Variants in BICD1 observed in about 807,000 individuals in gnomAD.
The protein encoded by BICD1 is protein bicaudal D homolog 1.
In BICD1, 35 loss-of-function variants were observed where a neutral mutation model predicts 92.5. The ratio of observed to expected loss-of-function variants is 0.38; its 90% confidence interval spans 0.29 to 0.50. The LOEUF (loss-of-function observed/expected upper bound fraction) is 0.50. BICD1 is among the 20% of genes least tolerant of loss of function. The probability of loss-of-function intolerance (pLI) is 0.93; values close to 1 mark genes in which losing one functional copy is unlikely to be tolerated. For missense variants in BICD1, 950 were observed against 1,189.8 expected (o/e 0.80, Z 2.97); for synonymous variants, 429 against 465.1 (o/e 0.92, Z 1.00).
intron 3 of BICD1, among the ~76,000 whole-genome samples, chr12:32,305,109 C>G (rs1176001060): frequency 5.3e-5 from 8 of 152,162 alleles, no homozygotes; most frequent in African/African-American, 1.9e-4. Context: ...CTTTCAGATT[C>G]TGTCTATCCT....
At chr12:32,350,758 T>A (rs1020464603) in intron 8 of BICD1, among the ~76,000 whole-genome samples, 1 of 152,208 alleles carries the variant, frequency 6.6e-6, no homozygotes, top group Non-Finnish European at 1.5e-5. Flanking sequence ...CTGAAAGGTA[T>A]GAGAGGAAAA....
At chr12:32,298,714 T>TAATA (rs1947950537) in intron 3 of BICD1, among the ~76,000 whole-genome samples, 1 of 139,300 alleles carries the variant, frequency 7.2e-6, no homozygotes. Flanking sequence ...CTACTAAAAA[T>TAATA]ACAAAATTAG....
chr12:32,217,413 C>T (rs1040395797), intron 2 of BICD1, among the ~76,000 whole-genome samples: 1 of 152,120 alleles, frequency 6.6e-6, no homozygotes, highest in East Asian at 1.9e-4. Flanking sequence ...AATAGGGCTT[C>T]ACTATTATAA....
intron 8 of BICD1, among the ~76,000 whole-genome samples, chr12:32,361,552 C>CA (rs369280649): frequency 0.14 from 10,729 of 74,960 alleles, 1,123 homozygotes; most frequent in East Asian, 0.41. Context: ...GACTCCATCT[C>CA]AAAAAAAAAA....
rs752031123 is a variant in BICD1, at chr12:32,381,860, A to C, written c.*4233A>C. ...TTGTTTATAAACTAGAGTGATTTTTAAGTAACCCTTATATTTAAGGCTGCA... is the reference window on the plus strand; with the variant it reads ...TTGTTTATAAACTAGAGTGATTTTTCAGTAACCCTTATATTTAAGGCTGCA... On this transcript the variant is annotated 3_prime_UTR_variant, in exon 10 of 10. Coordinates refer to ENST00000652176, the MANE Select transcript of BICD1 (RefSeq NM_001714.4). 3.9e-5 allele frequency: 6 copies of C among 152,152 alleles called. No homozygotes were observed. The highest frequency in any genetic ancestry group is 5.9e-5 in the Non-Finnish European group (4 of 67,982). The allele number at this position is 152,152 out of a possible 1,614,324, so 9.4% of individuals were successfully genotyped here.
intron 2 of BICD1, among the ~76,000 whole-genome samples, chr12:32,232,774 A>G (rs1358642185): frequency 6.6e-6 from 1 of 152,130 alleles, no homozygotes; most frequent in Non-Finnish European, 1.5e-5. Context: ...TATAAGGTGT[A>G]AGGAAGGGAT....
At chr12:32,322,951 C>T (rs368155403) in intron 4 of BICD1, among the ~76,000 whole-genome samples, 4 of 152,128 alleles carry the variant, frequency 2.6e-5, no homozygotes, top group African/African-American at 7.2e-5. Flanking sequence ...AATTGAATAA[C>T]GTTTACACTT....
intron 1 of BICD1, among the ~76,000 whole-genome samples, chr12:32,187,116 TC>T (rs1342951911): frequency 6.6e-6 from 1 of 152,196 alleles, no homozygotes; most frequent in African/African-American, 2.4e-5. Flanking sequence ...TCAGGTCTTT[TC>T]TTGTGAAGTA....
chr12:32,254,742 C>A (rs1368802203), intron 2 of BICD1, among the ~76,000 whole-genome samples: 3 of 152,200 alleles, frequency 2.0e-5, no homozygotes, highest in Non-Finnish European at 1.5e-5. Context: ...TTAGTGACTA[C>A]TATTATCTAG....
At chr12:32,143,039 T>A (rs1942995527) in intron 1 of BICD1, among the ~76,000 whole-genome samples, 1 of 152,246 alleles carries the variant, frequency 6.6e-6, no homozygotes, top group Non-Finnish European at 1.5e-5. Flanking sequence ...ACCTCCTGAT[T>A]ATATTTTTTG....
In BICD1 at chr12:32,337,242, G is replaced by T. The variant is rs747972027; in HGVS notation, c.2253-257G>T. ...AGCCTGGGCGATACAGCGAGACTCA[G>T]TCTCAAAAAACAAATAAACAAAACA... On this transcript the variant is annotated intron_variant, in intron 6 of 9. Transcript: ENST00000652176. The surrounding 1 kb of genome is among the most constrained non-coding windows in gnomAD (Gnocchi z 4.7). Among the ~76,000 whole-genome samples, 3 of 152,132 alleles carry T rather than the reference G, an allele frequency of 2.0e-5. No homozygotes were observed. The highest frequency in any genetic ancestry group is 4.4e-5 in the Non-Finnish European group (3 of 68,026).
intron 1 of BICD1, among the ~76,000 whole-genome samples, chr12:32,165,476 A>T (rs1034809514): frequency 6.6e-6 from 1 of 152,052 alleles, no homozygotes; most frequent in Non-Finnish European, 1.5e-5. Flanking sequence ...AGATCGAGCC[A>T]CTGCACTCCA....
At chr12:32,357,727 G>A (rs1255060232) in intron 8 of BICD1, among the ~76,000 whole-genome samples, 2 of 152,116 alleles carry the variant, frequency 1.3e-5, no homozygotes, top group African/African-American at 4.8e-5. Flanking sequence ...TCTGTGCACT[G>A]CATCCCTGGT....
chr12:32,331,428 G>C (rs1298464335), intron 5 of BICD1, among the ~76,000 whole-genome samples: 1 of 152,142 alleles, frequency 6.6e-6, no homozygotes, highest in Non-Finnish European at 1.5e-5. Flanking sequence ...GTGCTTTGTG[G>C]TACAGGTTGA....
chr12:32,321,622 A>C (rs1565668922), intron 4 of BICD1, among the ~76,000 whole-genome samples: 1 of 152,212 alleles, frequency 6.6e-6, no homozygotes, highest in African/African-American at 2.4e-5. Context: ...TTACAAATGG[A>C]AATTAAAATA....
At chr12:32,307,135 A>G (rs1260115132) in intron 4 of BICD1, among the ~76,000 whole-genome samples, 1 of 152,224 alleles carries the variant, frequency 6.6e-6, no homozygotes, top group African/African-American at 2.4e-5. Context: ...TTTCATCACA[A>G]GCAACTGTGT....
intron 2 of BICD1, among the ~76,000 whole-genome samples, chr12:32,278,725 G>A (rs373191688): frequency 1.3e-5 from 2 of 152,110 alleles, no homozygotes; most frequent in Non-Finnish European, 2.9e-5. Context: ...GCGTGTTGGC[G>A]GGCGCCTGTA....
chr12:32,346,347 T>G (rs1300025762), intron 8 of BICD1, among the ~76,000 whole-genome samples: 1 of 149,608 alleles, frequency 6.7e-6, no homozygotes, highest in East Asian at 2.0e-4. Flanking sequence ...TGAAACCCTG[T>G]CTCTACAAAA....
chr12:32,216,168 G>A lies in BICD1; in HGVS notation c.214-79G>A. 5.5e-6 allele frequency: 8 copies of A among 1,463,312 alleles called. No homozygotes were observed. In the South Asian group the frequency reaches 1.0e-4, roughly 19 times the overall value. 90.6% of individuals were successfully genotyped at this position (1,463,312 alleles called of 1,614,324 possible). Reference sequence around the variant, plus strand: ...GCTTTTCTTACACATATAAGCAGAAGAAAACATTTTCCCAAGTCTTAAAAG... The same window carrying A: ...GCTTTTCTTACACATATAAGCAGAAAAAAACATTTTCCCAAGTCTTAAAAG... On this transcript the variant is annotated intron_variant, in intron 1 of 9. Coordinates refer to ENST00000652176, the MANE Select transcript of BICD1 (RefSeq NM_001714.4).
Sources: allele counts gnomAD v4.1 joint callset (sites outside exome capture counted in the v4.1 genomes callset), GRCh38; gene constraint gnomAD v4.1.1; non-coding constraint Gnocchi (gnomAD v3.1); transcripts MANE v1.5; gene names NCBI Gene and HGNC (gene_info 2026-07-23, HGNC 2026-07-21).